The following MDGA2 variants were observed in gnomAD, a reference collection of about 807,000 sequenced individuals.
The protein encoded by MDGA2 is MAM domain-containing glycosylphosphatidylinositol anchor protein 2.
In MDGA2, 40 loss-of-function variants were observed where a neutral mutation model predicts 117.8. The ratio of observed to expected loss-of-function variants is 0.34; its 90% CI spans 0.26 to 0.44. MDGA2 has a LOEUF of 0.44. Ranked by LOEUF, MDGA2 falls within the 20% of genes least tolerant of loss-of-function variation. The pLI is 1.00. For missense variants in MDGA2, 1,123 were observed against 1,250.6 expected, an observed-to-expected ratio of 0.90 and a Z score of 1.54; for synonymous variants, 452 against 439.0, an observed-to-expected ratio of 1.03 and a Z score of -0.37.
intron 1 of MDGA2, among the ~76,000 whole-genome samples, chr14:47,404,988 T>C (rs757512030): frequency 1.3e-5 from 2 of 152,218 alleles, no homozygotes; most frequent in Admixed American, 1.3e-4. Flanking sequence ...TTTCGATAAA[T>C]ATTAAAAGTA....
At chr14:47,123,980 G>A (rs1418487659) in intron 5 of MDGA2, among the ~76,000 whole-genome samples, 1 of 152,030 alleles carries the variant, frequency 6.6e-6, no homozygotes, top group Non-Finnish European at 1.5e-5. Flanking sequence ...TTATGCAAAA[G>A]AGTTACAGGG....
chr14:46,873,894 GT>G (rs1882118305), intron 13 of MDGA2, 150 bp downstream of exon 13: 5 of 697,102 alleles, frequency 7.2e-6, no homozygotes, highest in Admixed American at 3.6e-5. Context: ...TGTCTACAAA[GT>G]TTTGTAAATA....
At chr14:47,104,764 A>G (rs905840612) in intron 5 of MDGA2, among the ~76,000 whole-genome samples, 3 of 152,116 alleles carry the variant, frequency 2.0e-5, no homozygotes, top group African/African-American at 7.2e-5. Flanking sequence ...AGAAAGATCC[A>G]CCTACGACCT....
chr14:47,397,860 T>C (rs978209732), intron 1 of MDGA2, among the ~76,000 whole-genome samples: 1 of 152,156 alleles, frequency 6.6e-6, no homozygotes, highest in African/African-American at 2.4e-5. Context: ...ATACAGAGAA[T>C]GTAAAGTTCT....
intron 3 of MDGA2, among the ~76,000 whole-genome samples, chr14:47,164,154 T>G (rs1393316921): frequency 1.3e-5 from 2 of 152,244 alleles, no homozygotes; most frequent in African/African-American, 2.4e-5. Flanking sequence ...GAACAGTTTA[T>G]TAAATGAGTA....
At chr14:47,387,485 C>G (rs1891788446) in intron 1 of MDGA2, among the ~76,000 whole-genome samples, 2 of 152,204 alleles carry the variant, frequency 1.3e-5, no homozygotes, top group South Asian at 4.1e-4. Flanking sequence ...ACCTCTTATG[C>G]CCACACAACC....
intron 1 of MDGA2, among the ~76,000 whole-genome samples, chr14:47,534,619 C>G (rs1284603021): frequency 6.6e-6 from 1 of 152,086 alleles, no homozygotes; most frequent in African/African-American, 2.4e-5. Flanking sequence ...CCCTCATGCT[C>G]CAATCACCTC....
At chr14:47,463,455 T>A (rs909065424) in intron 1 of MDGA2, among the ~76,000 whole-genome samples, 1 of 152,170 alleles carries the variant, frequency 6.6e-6, no homozygotes, top group South Asian at 2.1e-4. Context: ...TTACAAATAA[T>A]TGTACATCTT....
At chr14:47,239,786 T>A (rs764656120) in intron 2 of MDGA2, among the ~76,000 whole-genome samples, 1 of 151,916 alleles carries the variant, frequency 6.6e-6, no homozygotes, top group Non-Finnish European at 1.5e-5. Flanking sequence ...TGAATAAAAG[T>A]TATTTTCCTC....
chr14:47,582,183 T>C lies in MDGA2; in HGVS notation c.280+92334A>G, dbSNP rs375208926. ...TGTCTTAATTCCTGACACAGTATTATGGCACACACTGCTCTTAAAGGTCTA... is the reference window on the plus strand; with the variant it reads ...TGTCTTAATTCCTGACACAGTATTACGGCACACACTGCTCTTAAAGGTCTA... On this transcript the variant is annotated intron_variant, in intron 1 of 16. Transcript: ENST00000399232. Among the ~76,000 whole-genome samples the C allele has an allele frequency of 5.3e-5, 8 of 151,886 alleles. No individual in the cohort carries two copies. The East Asian group carries it at 5.8e-4, about 11-fold the overall frequency.
intron 7 of MDGA2, among the ~76,000 whole-genome samples, chr14:47,038,761 C>A (rs1257703791): frequency 9.9e-5 from 15 of 151,448 alleles, no homozygotes; most frequent in Non-Finnish European, 2.2e-4. Context: ...CACGGTAAAC[C>A]CCATCTCTAC....
intron 8 of MDGA2, among the ~76,000 whole-genome samples, chr14:47,008,752 T>A (rs1483635291): frequency 3.9e-5 from 6 of 151,960 alleles, no homozygotes; most frequent in African/African-American, 1.4e-4. Flanking sequence ...TTTTTAAAAA[T>A]TAAAATGCTT....
intron 2 of MDGA2, among the ~76,000 whole-genome samples, chr14:47,291,192 G>A (rs1345131501): frequency 6.6e-6 from 1 of 152,120 alleles, no homozygotes; most frequent in Non-Finnish European, 1.5e-5. Context: ...AGCCCTACTC[G>A]AAACTGCCAG....
At chr14:47,386,350 A>C (rs2138428176) in intron 1 of MDGA2, among the ~76,000 whole-genome samples, 1 of 152,326 alleles carries the variant, frequency 6.6e-6, no homozygotes, top group African/African-American at 2.4e-5. Flanking sequence ...TGATTTCATA[A>C]AAACTCATTA....
At chr14:47,261,583 A>G (rs1887797695) in intron 2 of MDGA2, among the ~76,000 whole-genome samples, 1 of 152,154 alleles carries the variant, frequency 6.6e-6, no homozygotes, top group Non-Finnish European at 1.5e-5. Context: ...AGCCTAAGTA[A>G]TATTTTTATT....
chr14:47,135,696 C>A (rs1374157814), intron 4 of MDGA2, among the ~76,000 whole-genome samples: 1 of 151,848 alleles, frequency 6.6e-6, no homozygotes, highest in African/African-American at 2.4e-5. Flanking sequence ...TTTCAAAAAC[C>A]GTTAGTTTGT....
intron 4 of MDGA2, among the ~76,000 whole-genome samples, chr14:47,134,756 GTA>G (rs1411726311): frequency 6.7e-6 from 1 of 149,202 alleles, no homozygotes; most frequent in Non-Finnish European, 1.5e-5. Flanking sequence ...ATTTATGTGT[GTA>G]TATATACACA....
chr14:46,897,112 GT>G lies in MDGA2; in HGVS notation c.2239-14892del, dbSNP rs368609240. 3.6e-4 allele frequency among the ~76,000 whole-genome samples: 55 copies of G among 152,114 alleles called. 3 individuals are homozygous for G. In the South Asian group the frequency reaches 7.9e-3, roughly 22 times the overall value. On this transcript the variant is annotated intron_variant, in intron 10 of 16. Transcript: ENST00000399232. ...ACAATTTAGAATACATATTTTAAAT[GT>G]TTTTCAGAAAGCCCTAATGTGATAT...
intron 3 of MDGA2, among the ~76,000 whole-genome samples, chr14:47,182,232 G>C (rs772357728): frequency 7.2e-5 from 11 of 151,944 alleles, no homozygotes; most frequent in Non-Finnish European, 1.6e-4. Context: ...CATTGAGGCA[G>C]TTTTAATCCT....
Sources: allele counts gnomAD v4.1 joint callset (sites outside exome capture counted in the v4.1 genomes callset), GRCh38; gene constraint gnomAD v4.1.1; transcripts MANE v1.5; gene names NCBI Gene and HGNC (gene_info 2026-07-23, HGNC 2026-07-21).